Variants in CSMD3 observed in about 807,000 individuals in gnomAD.
CSMD3 encodes the protein CUB and Sushi multiple domains 3.
Under a neutral mutation model 435.2 loss-of-function variants are expected in CSMD3, and 177 were observed. The observed-to-expected ratio is 0.41, with a 90% CI of 0.36 to 0.46. The LOEUF is 0.46. Ranked by LOEUF, CSMD3 falls within the 20% of genes least tolerant of loss-of-function variation. The pLI is 0.34. For missense variants in CSMD3, 4,265 were observed against 4,504.6 expected (o/e 0.95, Z 1.52); for synonymous variants, 1,656 against 1,520.5 (o/e 1.09, Z -2.07).
At position 112,246,967 on chromosome 8, in the gene CSMD3, A is replaced by C. The variant is rs1022241991; in HGVS notation, c.10222+53T>G. The C allele has an allele frequency of 2.4e-6, 3 of 1,250,274 alleles. No individual in the cohort carries two copies. The African/African-American group carries it at 4.4e-5, about 18-fold the overall frequency. The allele number at this position is 1,250,274 out of a possible 1,614,324, so 77.4% of individuals were successfully genotyped here. On this transcript the variant is annotated intron_variant, in intron 64 of 70. Coordinates refer to ENST00000297405, the MANE Select transcript of CSMD3 (RefSeq NM_198123.2). ...TGTATTTGAATACTTGGGAGAAAAA[A>C]TGCATATAAATTCTTACCCATGATA...
intron 13 of CSMD3, among the ~76,000 whole-genome samples, chr8:112,796,892 T>C (rs1466958216): frequency 6.6e-6 from 1 of 151,990 alleles, no homozygotes; most frequent in East Asian, 1.9e-4. Flanking sequence ...ACCCAAGAGG[T>C]TGGTGGCATT....
At chr8:113,107,909 G>A (rs1333408241) in intron 4 of CSMD3, among the ~76,000 whole-genome samples, 2 of 152,042 alleles carry the variant, frequency 1.3e-5, no homozygotes, top group African/African-American at 4.8e-5. Flanking sequence ...ATATAGTAGG[G>A]ACTCCAAGTG....
chr8:112,645,306 T>C (rs2074949810), intron 19 of CSMD3, 81 bp from the exon 20 acceptor site: 11 of 824,946 alleles, frequency 1.3e-5, no homozygotes, highest in Middle Eastern at 2.2e-4. Flanking sequence ...CTCTCTTGAA[T>C]TGAGCAGTCG....
chr8:113,094,538 A>C (rs1564308017), intron 5 of CSMD3, among the ~76,000 whole-genome samples: 1 of 152,172 alleles, frequency 6.6e-6, no homozygotes, highest in Non-Finnish European at 1.5e-5. Flanking sequence ...AAAACCACAA[A>C]ATAAATAAAA....
chr8:112,556,884 G>A lies in CSMD3; in HGVS notation c.4113C>T (p.His1371=), dbSNP rs991618918. The A allele has an allele frequency of 6.2e-7, 1 of 1,612,160 alleles. No homozygotes were observed. Among genetic ancestry groups the A allele is most frequent in the Admixed American group, 1.7e-5 (1 of 59,784 alleles). The change falls in exon 25 of 71, where the codon CAC becomes CAT. Residue 1371 remains histidine, a synonymous_variant. Coordinates refer to ENST00000297405, the MANE Select transcript of CSMD3 (RefSeq NM_198123.2). ...QFGYKISDQG[H]FAGSTIIYGC... ...CATAAATGATGGTGCTACCAGCAAA[G>A]TGGCCTTGGTCACTGATCTTGTATC... is the stretch of plus-strand genomic sequence containing the variant.
chr8:112,690,663 C>T (rs1352942271), intron 13 of CSMD3, among the ~76,000 whole-genome samples: 2 of 148,956 alleles, frequency 1.3e-5, no homozygotes, highest in Non-Finnish European at 3.0e-5. Context: ...CAGCTATGTT[C>T]CTTAATAAAT....
rs563866554 is a variant in CSMD3, at chr8:112,438,510, T to C, written c.5396-29478A>G. ...ATTTCAGCATCTCTTTTAACAAAAT[T>C]TTCTGACTTTGTCTTGGATTTGCTA... On this transcript the variant is annotated intron_variant, in intron 32 of 70. Coordinates refer to ENST00000297405, the MANE Select transcript of CSMD3 (RefSeq NM_198123.2). 5.9e-5 allele frequency among the ~76,000 whole-genome samples: 9 copies of C among 152,310 alleles called. No homozygotes were observed. In the South Asian group the frequency reaches 1.9e-3, roughly 32 times the overall value.
chr8:113,003,743 A>G (rs996252), intron 6 of CSMD3, among the ~76,000 whole-genome samples: 102,192 of 151,754 alleles, frequency 0.67, 36,014 homozygotes, highest in East Asian at 0.95. Flanking sequence ...TCCAGGGAAT[A>G]AGATTGCAGA....
chr8:113,081,344 C>T (rs2089555366), intron 5 of CSMD3, among the ~76,000 whole-genome samples: 1 of 152,130 alleles, frequency 6.6e-6, no homozygotes, highest in African/African-American at 2.4e-5. Flanking sequence ...TCTCAGTGTT[C>T]CTTGGCTTGG....
At chr8:112,611,961 A>G (rs769030547) in intron 22 of CSMD3, among the ~76,000 whole-genome samples, 1 of 152,172 alleles carries the variant, frequency 6.6e-6, no homozygotes, top group Non-Finnish European at 1.5e-5. Flanking sequence ...GCTGGGAGTA[A>G]GAAGAATTAA....
chr8:113,125,269 A>G (rs1200277667), intron 4 of CSMD3, among the ~76,000 whole-genome samples: 1 of 151,900 alleles, frequency 6.6e-6, no homozygotes, highest in Non-Finnish European at 1.5e-5. Flanking sequence ...ACTGGTTTGC[A>G]TGATCCTCCT....
At position 112,480,785 on chromosome 8, in the gene CSMD3, A is replaced by G. The variant is rs148921494; in HGVS notation, c.5279-8078T>C. The stretch of plus-strand genomic sequence containing the variant: ...AGCCAATTAAACCTCTTTTCTTCCT[A>G]AATTACCCAGTTTCAGGTACTCCTT... On this transcript the variant is annotated intron_variant, in intron 31 of 70. Coordinates refer to ENST00000297405, the MANE Select transcript of CSMD3 (RefSeq NM_198123.2). Among the ~76,000 whole-genome samples the G allele has an allele frequency of 8.0e-3, 1,215 of 152,234 alleles. 23 individuals carry two copies. Among genetic ancestry groups the G allele is most frequent in the African/African-American group, 0.027 (1,127 of 41,548 alleles).
At chr8:112,879,870 T>C (rs1366553458) in intron 10 of CSMD3, among the ~76,000 whole-genome samples, 1 of 151,664 alleles carries the variant, frequency 6.6e-6, no homozygotes, top group Non-Finnish European at 1.5e-5. Flanking sequence ...AGTTGAACAA[T>C]GAGAATACAT....
chr8:112,234,386 T>C lies in CSMD3; in HGVS notation c.10719A>G (p.Glu3573=). 1 of 1,610,642 alleles carries C rather than the reference T, an allele frequency of 6.2e-7. No individual in the cohort carries two copies. The highest frequency in any genetic ancestry group is 1.1e-5 in the South Asian group (1 of 91,010). The change falls in exon 68 of 71, where the codon GAA becomes GAG. Residue 3573 remains glutamate, a synonymous_variant. Coordinates refer to ENST00000297405, the MANE Select transcript of CSMD3 (RefSeq NM_198123.2). Reference sequence around the variant, plus strand: ...TTACAAAGCCATCCATTGCCCAATTTTCTTCCTTCATTTTCTTCACAGAAG... The same window carrying C: ...TTACAAAGCCATCCATTGCCCAATTCTCTTCCTTCATTTTCTTCACAGAAG... ...AHASVKKMKE[E]NWAMDGFVSA... is the part of the protein sequence containing the mutation.
chr8:113,102,030 T>G (rs1338933377), intron 4 of CSMD3, among the ~76,000 whole-genome samples: 1 of 152,102 alleles, frequency 6.6e-6, no homozygotes, highest in East Asian at 1.9e-4. Context: ...AAGGCAGCAT[T>G]AGAACAAACC....
intron 13 of CSMD3, among the ~76,000 whole-genome samples, chr8:112,699,391 C>T (rs543774582): frequency 9.7e-4 from 147 of 152,156 alleles, no homozygotes; most frequent in African/African-American, 3.3e-3. Flanking sequence ...TGCTTGAAGT[C>T]GGCAAGACCT....
chr8:112,252,395 C>T (rs1340719713), intron 63 of CSMD3, among the ~76,000 whole-genome samples: 6 of 151,826 alleles, frequency 4.0e-5, no homozygotes, highest in Non-Finnish European at 8.8e-5. Context: ...AAACTGAGTA[C>T]TTGAAGCCAG....
In CSMD3 at chr8:112,677,210, T is replaced by C. The variant is rs148348346; in HGVS notation, c.2677+5232A>G. ...AAGACATGGGCCCTGGAAAGGAAAA[T>C]AGAAAGGGAGAGAAGAAGAGCTTAG... On this transcript the variant is annotated intron_variant, in intron 16 of 70. Coordinates refer to ENST00000297405, the MANE Select transcript of CSMD3 (RefSeq NM_198123.2). 2.7e-4 allele frequency among the ~76,000 whole-genome samples: 40 copies of C among 150,942 alleles called. No individual in the cohort carries two copies. In the East Asian group the frequency reaches 6.9e-3, roughly 26 times the overall value.
intron 2 of CSMD3, among the ~76,000 whole-genome samples, chr8:113,302,282 A>C (rs1383255761): frequency 2.9e-4 from 3 of 10,382 alleles, no homozygotes; most frequent in African/African-American, 8.4e-4. Context: ...ATATAATTAT[A>C]ATATATAATA....
Sources: gnomAD v4.1 joint callset for allele counts (sites outside exome capture counted in the v4.1 genomes callset) on GRCh38, gnomAD v4.1.1 for gene constraint, MANE v1.5 for transcripts, NCBI Gene and HGNC (gene_info 2026-07-23, HGNC 2026-07-21) for gene names.